Variants in MGAT2 observed in about 807,000 individuals in gnomAD.
The protein encoded by MGAT2 is alpha-1,6-mannosyl-glycoprotein 2-beta-N-acetylglucosaminyltransferase.
In MGAT2, 17 loss-of-function variants were observed where a neutral mutation model predicts 33.8. That is an observed-to-expected ratio of 0.50 (90% confidence interval 0.34 to 0.76). The LOEUF (loss-of-function observed/expected upper bound fraction) is 0.76. Ranked by LOEUF, MGAT2 falls within the 30% of genes least tolerant of loss-of-function variation. The probability of loss-of-function intolerance (pLI) is 0.01; values close to 1 mark genes in which losing one functional copy is unlikely to be tolerated. For missense variants in MGAT2, 529 were observed against 553.9 expected, an observed-to-expected ratio of 0.96 and a Z score of 0.45; for synonymous variants, 248 against 226.7, an observed-to-expected ratio of 1.09 and a Z score of -0.84.
chr14:49,622,209 C>A lies in MGAT2; in HGVS notation c.941C>A (p.Ser314Tyr). The A allele has an allele frequency of 6.2e-7, 1 of 1,614,112 alleles. No individual in the cohort carries two copies. Among genetic ancestry groups the A allele is most frequent in the South Asian group, 1.1e-5 (1 of 91,080 alleles). ...ADKVDVKTWK[S>Y]TEHNMGLALT... is the part of the protein sequence containing the mutation. The stretch of plus-strand genomic sequence containing the variant: ...AAGGTAGATGTGAAAACTTGGAAAT[C>A]CACAGAGCACAATATGGGTCTAGCC... The change falls in exon 1 of 1, where the codon TCC (serine) becomes TAC (tyrosine). Residue 314 changes from serine (S) to tyrosine (Y), a missense_variant. Ser to Tyr is a moderately radical substitution (Grantham distance 144, BLOSUM62 -2). Transcript: ENST00000305386.
In MGAT2 at chr14:49,620,832, A is replaced by C. The variant is rs1292268534; in HGVS notation, c.-437A>C. Reference sequence around the variant, plus strand: ...GGGTTGTCATAACGGTCCCCGCCGGAGTGAGGCGAGGCCGCGTCGCTCAGT... The same window carrying C: ...GGGTTGTCATAACGGTCCCCGCCGGCGTGAGGCGAGGCCGCGTCGCTCAGT... On this transcript the variant is annotated 5_prime_UTR_variant, in exon 1 of 1. Transcript: ENST00000305386. The C allele has an allele frequency of 1.6e-6, 1 of 623,926 alleles. No homozygotes were observed. Among genetic ancestry groups the C allele is most frequent in the East Asian group, 2.8e-5 (1 of 35,612 alleles). The allele number at this position is 623,926 out of a possible 1,614,324, so 38.6% of individuals were successfully genotyped here. A position where few individuals can be genotyped will look rare whatever the true frequency, so the allele number is the denominator to read the frequency against.
chr14:49,621,864 A>G lies in MGAT2; in HGVS notation c.596A>G (p.Asp199Gly). 1 of 1,614,096 alleles carries G rather than the reference A, an allele frequency of 6.2e-7. No homozygotes were observed. The part of the protein sequence containing the change: ...PGSDPRDCPR[D>G]LPKNAALKLG... ...AGTGACCCTAGAGATTGTCCCAGAG[A>G]CCTGCCGAAGAATGCCGCTTTGAAA... The change falls in exon 1 of 1, where the codon GAC (aspartate) becomes GGC (glycine). Residue 199 changes from aspartate to glycine, a missense_variant. Asp to Gly is a moderately conservative substitution (Grantham distance 94, BLOSUM62 -1). Around this residue, in one of 2 missense-constraint regions of MGAT2, gnomAD observed 501 missense variants for 501.1 expected, o/e 1.00. Transcript: ENST00000305386. This position sits in a 1 kb window ranked among gnomAD's most constrained non-coding sequence, Gnocchi z 4.6.
chr14:49,621,268 C>T lies in MGAT2; in HGVS notation c.-1C>T. Reference sequence around the variant, plus strand: ...CGCCTGCGCTCCCGGCCCTGGAGACCATGAGGTTCCGCATCTACAAACGGA... The same window carrying T: ...CGCCTGCGCTCCCGGCCCTGGAGACTATGAGGTTCCGCATCTACAAACGGA... On this transcript the variant is annotated 5_prime_UTR_variant, in exon 1 of 1. Coordinates refer to ENST00000305386, the MANE Select transcript of MGAT2 (RefSeq NM_002408.4). This position sits in a 1 kb window ranked among gnomAD's most constrained non-coding sequence, Gnocchi z 4.6. The T allele has an allele frequency of 6.2e-7, 1 of 1,612,386 alleles. No individual in the cohort carries two copies. The highest frequency in any genetic ancestry group is 8.5e-7 in the Non-Finnish European group (1 of 1,179,802).
In MGAT2 at chr14:49,621,005, C is replaced by T. The variant is rs926010783; in HGVS notation, c.-264C>T. The stretch of plus-strand genomic sequence containing the variant: ...CTGAATGGAGAGGACGGAGACGAAG[C>T]CGAGCCGCGGCTCCTAGCGGCGGCG... On this transcript the variant is annotated 5_prime_UTR_variant, in exon 1 of 1. Coordinates refer to ENST00000305386, the MANE Select transcript of MGAT2 (RefSeq NM_002408.4). The surrounding 1 kb of genome is among the most constrained non-coding windows in gnomAD (Gnocchi z 4.6). 21 of 704,218 alleles carry T rather than the reference C, an allele frequency of 3.0e-5. No homozygotes were observed. The African/African-American group carries it at 3.1e-4, about 11-fold the overall frequency. 43.6% of individuals were successfully genotyped at this position (704,218 alleles called of 1,614,324 possible). A position where few individuals can be genotyped will look rare whatever the true frequency, so the allele number is the denominator to read the frequency against.
In MGAT2 at chr14:49,621,304, C is replaced by T. The variant is rs202099464; in HGVS notation, c.36C>T (p.Ile12=). 3.1e-6 allele frequency: 5 copies of T among 1,612,652 alleles called. No individual in the cohort carries two copies. The highest frequency in any genetic ancestry group is 2.5e-6 in the Non-Finnish European group (3 of 1,179,802). ...GCATCTACAAACGGAAGGTGCTAAT[C>T]CTGACGCTCGTGGTGGCCGCCTGCG... ...RFRIYKRKVL[I]LTLVVAACGF... Residue 12 remains isoleucine (I), a synonymous_variant, in exon 1 of 1, where the codon ATC becomes ATT. Transcript: ENST00000305386. This position sits in a 1 kb window ranked among gnomAD's most constrained non-coding sequence, Gnocchi z 4.6.
At position 49,621,159 on chromosome 14, in the gene MGAT2, G is replaced by C. The variant is rs1882833559; in HGVS notation, c.-110G>C. ...TTAGCGAGGGCAGCCGCGGGGGCCA[G>C]TTCCGACCGTGACAGGCCAAGGCGA... On this transcript the variant is annotated 5_prime_UTR_variant, in exon 1 of 1. Coordinates refer to ENST00000305386, the MANE Select transcript of MGAT2 (RefSeq NM_002408.4). The surrounding 1 kb of genome is among the most constrained non-coding windows in gnomAD (Gnocchi z 4.6). The C allele has an allele frequency of 2.0e-6, 3 of 1,533,968 alleles. No homozygotes were observed. The highest frequency in any genetic ancestry group is 2.4e-5 in the East Asian group (1 of 42,496).
rs780053775 is a variant in MGAT2, at chr14:49,621,687, A to G, written c.419A>G (p.Lys140Arg). Residue 140 changes from lysine to arginine, a missense_variant, in exon 1 of 1, where the codon AAA becomes AGA. Coordinates refer to ENST00000305386, the MANE Select transcript of MGAT2 (RefSeq NM_002408.4). This position sits in a 1 kb window ranked among gnomAD's most constrained non-coding sequence, Gnocchi z 4.6. ...YLRLLLDSLR[K>R]AQGIDNVLVI... ...AGACTGCTGCTGGACTCACTTCGAA[A>G]AGCCCAGGGAATTGACAACGTCCTC... 6.2e-7 allele frequency: 1 copy of G among 1,614,034 alleles called. No homozygotes were observed. The highest frequency in any genetic ancestry group is 1.7e-5 in the Admixed American group (1 of 60,012).
Position 49,623,145 on chromosome 14 carries a change from C to A in MGAT2, c.*533C>A, listed in dbSNP as rs1882902980. 6.0e-6 allele frequency: 1 copy of A among 167,488 alleles called. No homozygotes were observed. Among genetic ancestry groups the A allele is most frequent in the African/African-American group, 2.4e-5 (1 of 41,414 alleles). 10.4% of individuals were successfully genotyped at this position (167,488 alleles called of 1,614,324 possible). A position where few individuals can be genotyped will look rare whatever the true frequency, so the allele number is the denominator to read the frequency against. On this transcript the variant is annotated 3_prime_UTR_variant, in exon 1 of 1. Coordinates refer to ENST00000305386, the MANE Select transcript of MGAT2 (RefSeq NM_002408.4). ...GAACAGTCATTTTCAGTATTAGATT[C>A]CTGTACTATTGTGTTTTGAGTGTGT...
In MGAT2 at chr14:49,622,138, C is replaced by T. The variant is rs748478150; in HGVS notation, c.870C>T (p.Ser290=). ...AGTGCCCTGAATGTGATGTTCTCTC[C>T]CTGGGGACCTATAGTGCCAGTCGCA... is the stretch of plus-strand genomic sequence containing the variant. The part of the protein sequence containing the change: ...QQECPECDVL[S]LGTYSASRSF... Residue 290 remains serine, a synonymous_variant, in exon 1 of 1, where the codon TCC becomes TCT. Coordinates refer to ENST00000305386, the MANE Select transcript of MGAT2 (RefSeq NM_002408.4). 6.2e-7 allele frequency: 1 copy of T among 1,614,118 alleles called. No homozygotes were observed. The highest frequency in any genetic ancestry group is 8.5e-7 in the Non-Finnish European group (1 of 1,180,042).
rs1233103991 is a variant in MGAT2, at chr14:49,621,309, C to T, written c.41C>T (p.Thr14Met). The T allele has an allele frequency of 3.1e-6, 5 of 1,612,594 alleles. No individual in the cohort carries two copies. The highest frequency in any genetic ancestry group is 4.2e-6 in the Non-Finnish European group (5 of 1,179,808). The change falls in exon 1 of 1, where the codon ACG (threonine) becomes ATG (methionine). Residue 14 changes from threonine (T) to methionine (M), a missense_variant. Around this residue, in one of 2 missense-constraint regions of MGAT2, gnomAD observed 501 missense variants for 501.1 expected, o/e 1.00. Transcript: ENST00000305386. This position sits in a 1 kb window ranked among gnomAD's most constrained non-coding sequence, Gnocchi z 4.6. ...TACAAACGGAAGGTGCTAATCCTGA[C>T]GCTCGTGGTGGCCGCCTGCGGCTTC... ...RIYKRKVLIL[T>M]LVVAACGFVL...
At position 49,621,023 on chromosome 14, in the gene MGAT2, C is replaced by T; in HGVS notation, c.-246C>T. ...GACGAAGCCGAGCCGCGGCTCCTAG[C>T]GGCGGCGCCGATGCTCGAGCTGTAG... is the stretch of plus-strand genomic sequence containing the variant. On this transcript the variant is annotated 5_prime_UTR_variant, in exon 1 of 1. Coordinates refer to ENST00000305386, the MANE Select transcript of MGAT2 (RefSeq NM_002408.4). The surrounding 1 kb of genome is among the most constrained non-coding windows in gnomAD (Gnocchi z 4.6). 1 of 707,456 alleles carries T rather than the reference C, an allele frequency of 1.4e-6. No homozygotes were observed. The highest frequency in any genetic ancestry group is 1.5e-5 in the South Asian group (1 of 67,642). The allele number at this position is 707,456 out of a possible 1,614,324, so 43.8% of individuals were successfully genotyped here. A position where few individuals can be genotyped will look rare whatever the true frequency, so the allele number is the denominator to read the frequency against.
chr14:49,622,054 C>T lies in MGAT2; in HGVS notation c.786C>T (p.His262=). 1 of 1,614,192 alleles carries T rather than the reference C, an allele frequency of 6.2e-7. No homozygotes were observed. ...AGLILFLEED[H]YLAPDFYHVF... is the part of the protein sequence containing the mutation. ...TTATACTTTTCCTAGAAGAGGATCA[C>T]TACTTAGCCCCAGACTTTTACCATG... Residue 262 remains histidine (H), a synonymous_variant, in exon 1 of 1, where the codon CAC becomes CAT. Transcript: ENST00000305386.
At position 49,621,418 on chromosome 14, in the gene MGAT2, C is replaced by A; in HGVS notation, c.150C>A (p.Ala50=). ...TGGACGCCGAACCCGCGCGGGGTGC[C>A]GGCGGCCGCGGTGGGGACCACCCCT... ...PLLDAEPARG[A]GGRGGDHPSV... The change falls in exon 1 of 1, where the codon GCC becomes GCA. Residue 50 remains alanine (A), a synonymous_variant. Coordinates refer to ENST00000305386, the MANE Select transcript of MGAT2 (RefSeq NM_002408.4). The surrounding 1 kb of genome is among the most constrained non-coding windows in gnomAD (Gnocchi z 4.6). 6.2e-7 allele frequency: 1 copy of A among 1,607,694 alleles called. No individual in the cohort carries two copies.
chr14:49,620,888 G>C lies in MGAT2; in HGVS notation c.-381G>C. On this transcript the variant is annotated 5_prime_UTR_variant, in exon 1 of 1. Coordinates refer to ENST00000305386, the MANE Select transcript of MGAT2 (RefSeq NM_002408.4). ...CCGTCTAGGGCCCCTGTAAGGATGA[G>C]AGCGCAGAGGACGCAGGGCCGCTGG... 1 of 698,708 alleles carries C rather than the reference G, an allele frequency of 1.4e-6. No individual in the cohort carries two copies. The highest frequency in any genetic ancestry group is 1.7e-5 in the African/African-American group (1 of 57,264). 43.3% of individuals were successfully genotyped at this position (698,708 alleles called of 1,614,324 possible). A position where few individuals can be genotyped will look rare whatever the true frequency, so the allele number is the denominator to read the frequency against.
Position 49,620,805 on chromosome 14 carries a change from G to T in MGAT2, c.-464G>T. 1.7e-6 allele frequency: 1 copy of T among 599,714 alleles called. No homozygotes were observed. Among genetic ancestry groups the T allele is most frequent in the Non-Finnish European group, 3.0e-6 (1 of 337,174 alleles). The allele number at this position is 599,714 out of a possible 1,614,324, so 37.1% of individuals were successfully genotyped here. On this transcript the variant is annotated 5_prime_UTR_variant, in exon 1 of 1. Coordinates refer to ENST00000305386, the MANE Select transcript of MGAT2 (RefSeq NM_002408.4). ...GGCCGCGGTGTGCCGCGGGGCAGTTGCGGGTTGTCATAACGGTCCCCGCCG... is the reference window on the plus strand; with the variant it reads ...GGCCGCGGTGTGCCGCGGGGCAGTTTCGGGTTGTCATAACGGTCCCCGCCG...
In MGAT2 at chr14:49,621,806, A is replaced by G. The variant is rs779010502; in HGVS notation, c.538A>G (p.Ser180Gly). The change falls in exon 1 of 1, where the codon AGC (serine) becomes GGC (glycine). Residue 180 changes from serine (S) to glycine (G), a missense_variant. Ser to Gly is a moderately conservative substitution (Grantham distance 56). Transcript: ENST00000305386. The surrounding 1 kb of genome is among the most constrained non-coding windows in gnomAD (Gnocchi z 4.6). Reference sequence around the variant, plus strand: ...GGTTCTGCAGGTGTTCTTTCCTTTCAGCATTCAGTTGTACCCTAACGAGTT... The same window carrying G: ...GGTTCTGCAGGTGTTCTTTCCTTTCGGCATTCAGTTGTACCCTAACGAGTT... ...CPVLQVFFPF[S>G]IQLYPNEFPG... is the part of the protein sequence containing the mutation. 6.2e-7 allele frequency: 1 copy of G among 1,614,088 alleles called. No individual in the cohort carries two copies. Among genetic ancestry groups the G allele is most frequent in the Admixed American group, 1.7e-5 (1 of 60,008 alleles).
Position 49,622,323 on chromosome 14 carries a change from A to C in MGAT2, c.1055A>C (p.Tyr352Ser), listed in dbSNP as rs748857947. ...TATAACTGGGACTGGACTCTTCAAT[A>C]CTTGACTGTATCTTGTCTTCCAAAA... Reference protein sequence around the residue: ...DDYNWDWTLQYLTVSCLPKFW... With the variant: ...DDYNWDWTLQSLTVSCLPKFW... Residue 352 changes from tyrosine to serine, a missense_variant, in exon 1 of 1, where the codon TAC (tyrosine) becomes TCC (serine). Transcript: ENST00000305386. 1.2e-6 allele frequency: 2 copies of C among 1,614,090 alleles called. No homozygotes were observed. The highest frequency in any genetic ancestry group is 4.5e-5 in the East Asian group (2 of 44,902).
rs1213598928 is a variant in MGAT2 at position 49,621,094 on chromosome 14, A to G, written c.-175A>G. On this transcript the variant is annotated 5_prime_UTR_variant, in exon 1 of 1. It removes the in-frame stop codon of an upstream open reading frame in the 5' UTR. Transcript: ENST00000305386. This position sits in a 1 kb window ranked among gnomAD's most constrained non-coding sequence, Gnocchi z 4.6. ...GAGCGCAGGCGGCGCGGGGTAAATGAGAGGTCTCGGGCCCCAGGACCCCCG... is the reference window on the plus strand; with the variant it reads ...GAGCGCAGGCGGCGCGGGGTAAATGGGAGGTCTCGGGCCCCAGGACCCCCG... 2 of 899,232 alleles carry G rather than the reference A, an allele frequency of 2.2e-6. No individual in the cohort carries two copies. The highest frequency in any genetic ancestry group is 3.5e-6 in the Non-Finnish European group (2 of 567,890). 55.7% of individuals were successfully genotyped at this position (899,232 alleles called of 1,614,324 possible). A position where few individuals can be genotyped will look rare whatever the true frequency, so the allele number is the denominator to read the frequency against.
In MGAT2 at chr14:49,622,028, C is replaced by T. The variant is rs1349155664; in HGVS notation, c.760C>T (p.Leu254Phe). The T allele has an allele frequency of 1.9e-6, 3 of 1,613,734 alleles. No homozygotes were observed. Among genetic ancestry groups the T allele is most frequent in the Non-Finnish European group, 2.5e-6 (3 of 1,179,948 alleles). ...RVKILRDYAG[L>F]ILFLEEDHYL... ...GAAAATTCTTCGAGATTATGCTGGC[C>T]TTATACTTTTCCTAGAAGAGGATCA... Residue 254 changes from leucine (L) to phenylalanine (F), a missense_variant, in exon 1 of 1, where the codon CTT (leucine) becomes TTT (phenylalanine). This residue lies in a region of MGAT2 where 501 missense variants were observed against 501.1 expected (regional missense o/e 1.00). Coordinates refer to ENST00000305386, the MANE Select transcript of MGAT2 (RefSeq NM_002408.4).
Sources: gnomAD v4.1 joint callset for allele counts on GRCh38, gnomAD v4.1.1 for gene constraint, gnomAD v4.1.1 regional missense constraint, Gnocchi (gnomAD v3.1) non-coding constraint, MANE v1.5 for transcripts, NCBI Gene and HGNC (gene_info 2026-07-23, HGNC 2026-07-21) for gene names.